The following ZNF511 variants were observed in gnomAD, a reference collection of about 807,000 sequenced individuals.
ZNF511 encodes zinc finger protein 511.
Under a neutral mutation model 24.8 loss-of-function variants are expected in ZNF511, and 26 were observed. That is an observed-to-expected ratio of 1.05 (90% CI 0.77 to 1.46). The LOEUF (loss-of-function observed/expected upper bound fraction) is 1.46. ZNF511 is among the 40% of genes most tolerant of loss of function. ZNF511 has a pLI of 0.00. For missense variants in ZNF511, 358 were observed against 345.0 expected (o/e 1.04, Z -0.30); for synonymous variants, 144 against 139.6 (o/e 1.03, Z -0.22).
rs1334119219 is a variant in ZNF511, at chr10:133,313,004, GGCATTA to G, written c.*142_*147del. ...TCCCCATCCTTGTTCCTCAGCAAAT[GGCATTA>G]GCAGCTGTCATCAGAAGCTGTGAGG... On this transcript the variant is annotated 3_prime_UTR_variant, in exon 6 of 6. Coordinates refer to ENST00000361518, the MANE Select transcript of ZNF511 (RefSeq NM_145806.4). 1.3e-6 allele frequency: 2 copies of G among 1,500,352 alleles called. No individual in the cohort carries two copies. The highest frequency in any genetic ancestry group is 2.8e-5 in the African/African-American group (2 of 72,016). The allele number at this position is 1,500,352 out of a possible 1,614,324, so 92.9% of individuals were successfully genotyped here. A position where few individuals can be genotyped will look rare whatever the true frequency, so the allele number is the denominator to read the frequency against.
chr10:133,311,622 G>T, intron 4 of ZNF511, 94 bp from the exon 5 acceptor site: 1 of 1,101,220 alleles, frequency 9.1e-7, no homozygotes. Context: ...CTACTTACAG[G>T]GAAATCCAGT....
Position 133,309,013 on chromosome 10 carries a change from G to C in ZNF511, c.70G>C (p.Glu24Gln), listed in dbSNP as rs1847913159. The change falls in exon 1 of 6, where the codon GAG becomes CAG. Residue 24 changes from glutamate (E) to glutamine (Q), a missense_variant. Glu to Gln is a conservative substitution (Grantham distance 29). Coordinates refer to ENST00000361518, the MANE Select transcript of ZNF511 (RefSeq NM_145806.4). ...CGGGGCGGCGGAGCCGCTGCCTGTAGAGCGGGATCCCGCGGCTGGGGCCGC... is the reference window on the plus strand; with the variant it reads ...CGGGGCGGCGGAGCCGCTGCCTGTACAGCGGGATCCCGCGGCTGGGGCCGC... ...GPGAAEPLPV[E>Q]RDPAAGAAPF... 1.6e-6 allele frequency: 2 copies of C among 1,259,794 alleles called. No individual in the cohort carries two copies. Among genetic ancestry groups the C allele is most frequent in the Non-Finnish European group, 2.0e-6 (2 of 995,846 alleles). The allele number at this position is 1,259,794 out of a possible 1,614,324, so 78.0% of individuals were successfully genotyped here.
At chr10:133,311,593 A>G (rs1847988950) in intron 4 of ZNF511, 123 bp from the exon 5 acceptor site, 2 of 859,136 alleles carry the variant, frequency 2.3e-6, no homozygotes, top group Admixed American at 5.1e-5. Flanking sequence ...AGACTATGCC[A>G]AAATAGTAAG....
chr10:133,311,691 G>C lies in ZNF511; in HGVS notation c.555-25G>C, dbSNP rs773415693. ...GGGGCTGTGGGAGCCGTGCAGGGCA[G>C]TTACTCACTGCTCTCTCCCCGCAGC... On this transcript the variant is annotated intron_variant, in intron 4 of 5. Coordinates refer to ENST00000361518, the MANE Select transcript of ZNF511 (RefSeq NM_145806.4). The C allele has an allele frequency of 2.4e-5, 38 of 1,602,032 alleles. No homozygotes were observed. In the South Asian group the frequency reaches 4.1e-4, roughly 17 times the overall value.
At chr10:133,312,538 G>T (rs998000024) in intron 5 of ZNF511, 2 of 1,381,854 alleles carry the variant, frequency 1.4e-6, no homozygotes, top group Non-Finnish European at 1.9e-6. Flanking sequence ...GCCCCAGAGG[G>T]CTTGGCAGGA....
At chr10:133,312,346 T>C in intron 5 of ZNF511, 3 of 1,159,556 alleles carry the variant, frequency 2.6e-6, no homozygotes, top group Non-Finnish European at 3.2e-6. Context: ...TAAATTAATT[T>C]GGGAAAAACG....
intron 2 of ZNF511, 102 bp downstream of exon 2, chr10:133,309,565 C>A: frequency 7.1e-7 from 1 of 1,403,164 alleles, no homozygotes; most frequent in Non-Finnish European, 9.8e-7. Flanking sequence ...TGTGCGGCCG[C>A]CCCACCGAGG....
At position 133,309,906 on chromosome 10, in the gene ZNF511, C is replaced by T; in HGVS notation, c.358C>T (p.His120Tyr). Residue 120 changes from histidine (H) to tyrosine (Y), a missense_variant, in exon 3 of 6, where the codon CAC (histidine) becomes TAC (tyrosine). By Grantham distance (83) the His-to-Tyr change is moderately conservative. Coordinates refer to ENST00000361518, the MANE Select transcript of ZNF511 (RefSeq NM_145806.4). ...TTGCAAGCGGGCCTTCCCTTCCGGACACCTGCTGGACGCCCACATCCTGGA... is the reference window on the plus strand; with the variant it reads ...TTGCAAGCGGGCCTTCCCTTCCGGATACCTGCTGGACGCCCACATCCTGGA... ...SFCKRAFPSG[H>Y]LLDAHILEWH... 6.2e-7 allele frequency: 1 copy of T among 1,613,670 alleles called. No individual in the cohort carries two copies. Among genetic ancestry groups the T allele is most frequent in the Non-Finnish European group, 8.5e-7 (1 of 1,180,016 alleles).
rs1847934993 is a variant in ZNF511, at chr10:133,309,462, A to C, written c.226A>C (p.Arg76=). The C allele has an allele frequency of 6.2e-7, 1 of 1,612,072 alleles. No individual in the cohort carries two copies. The highest frequency in any genetic ancestry group is 8.5e-7 in the Non-Finnish European group (1 of 1,179,572). ...GGTGGCCGACGTGCCTGAGAAGCCCAGGTAAGCGAATGGGCAGTGCCTAGC... is the reference window on the plus strand; with the variant it reads ...GGTGGCCGACGTGCCTGAGAAGCCCCGGTAAGCGAATGGGCAGTGCCTAGC... ...MQVADVPEKP[R]VPAFACQVAG... The change falls in exon 2 of 6, where the codon AGG becomes CGG. Residue 76 remains arginine (R), a splice_region_variant and synonymous_variant. Transcript: ENST00000361518.
In ZNF511 at chr10:133,310,195, A is replaced by T. The variant is rs905944140; in HGVS notation, c.461A>T (p.Lys154Met). Residue 154 changes from lysine (K) to methionine (M), a missense_variant, in exon 4 of 6, where the codon AAG (lysine) becomes ATG (methionine). By Grantham distance (95) the Lys-to-Met change is moderately conservative. Transcript: ENST00000361518. ...TGCTTGGTAGAAGGCTGCACAGAGA[A>T]GTTCAAGACCAGCAGAGACCGGAAG... The part of the protein sequence containing the change: ...YQCLVEGCTE[K>M]FKTSRDRKDH... The T allele has an allele frequency of 6.2e-7, 1 of 1,613,922 alleles. No individual in the cohort carries two copies. Among genetic ancestry groups the T allele is most frequent in the African/African-American group, 1.3e-5 (1 of 74,952 alleles).
Position 133,311,851 on chromosome 10 carries a change from T to A in ZNF511, c.680+10T>A, listed in dbSNP as rs151256328. On this transcript the variant is annotated intron_variant, in intron 5 of 5. Coordinates refer to ENST00000361518, the MANE Select transcript of ZNF511 (RefSeq NM_145806.4). ...GGATCTACAGACATAGGTCAGTGTCTGAGCTCTTTCTGAAACCCGTTCTCA... is the reference window on the plus strand; with the variant it reads ...GGATCTACAGACATAGGTCAGTGTCAGAGCTCTTTCTGAAACCCGTTCTCA... The A allele has an allele frequency of 6.2e-7, 1 of 1,613,350 alleles. No individual in the cohort carries two copies. Among genetic ancestry groups the A allele is most frequent in the East Asian group, 2.2e-5 (1 of 44,892 alleles).
rs1045468 is a variant in ZNF511 at position 133,312,941 on chromosome 10, C to T, written c.*75C>T. ...CCGCCTTGGGCCTTTCTCCGACCTT[C>T]TGGTGTGGCCGCCCTGGGGGCCAGG... On this transcript the variant is annotated 3_prime_UTR_variant, in exon 6 of 6. Transcript: ENST00000361518. The T allele has an allele frequency of 1.9e-6, 3 of 1,604,236 alleles. No individual in the cohort carries two copies. Among genetic ancestry groups the T allele is most frequent in the Non-Finnish European group, 2.6e-6 (3 of 1,174,950 alleles).
At chr10:133,311,865 A>C (rs763518413) in intron 5 of ZNF511, 24 bp downstream of exon 5, 9 of 1,613,312 alleles carry the variant, frequency 5.6e-6, no homozygotes, top group Non-Finnish European at 7.6e-6. Flanking sequence ...CTCTTTCTGA[A>C]ACCCGTTCTC....
intron 4 of ZNF511, 37 bp downstream of exon 4, chr10:133,310,325 G>T: frequency 1.2e-6 from 2 of 1,611,386 alleles, no homozygotes; most frequent in South Asian, 2.2e-5. Context: ...GTCTGCTTTT[G>T]ATTTTAGGAA....
chr10:133,310,352 C>T (rs985070029), intron 4 of ZNF511, 64 bp downstream of exon 4: 19 of 1,600,078 alleles, frequency 1.2e-5, no homozygotes, highest in South Asian at 4.4e-5. Flanking sequence ...TCCAACTAGC[C>T]GGAATGCATA....
intron 5 of ZNF511, chr10:133,312,370 G>C: frequency 8.6e-7 from 1 of 1,162,890 alleles, no homozygotes; most frequent in Non-Finnish European, 1.1e-6. Context: ...AACAAGTGGG[G>C]AAAAACATCA....
rs75714358 is a variant in ZNF511, at chr10:133,312,973, C to A, written c.*107C>A. 1.9e-6 allele frequency: 3 copies of A among 1,560,872 alleles called. No individual in the cohort carries two copies. The highest frequency in any genetic ancestry group is 2.6e-6 in the Non-Finnish European group (3 of 1,156,422). ...GGCCGCCCTGGGGGCCAGGCCCTCG[C>A]CATCCTCCCCATCCTTGTTCCTCAG... On this transcript the variant is annotated 3_prime_UTR_variant, in exon 6 of 6. Transcript: ENST00000361518.
At position 133,310,311 on chromosome 10, in the gene ZNF511, A is replaced by C. The variant is rs1367969058; in HGVS notation, c.554+23A>C. On this transcript the variant is annotated intron_variant, in intron 4 of 5. Coordinates refer to ENST00000361518, the MANE Select transcript of ZNF511 (RefSeq NM_145806.4). ...AAGGTAGGGAGCCGCCAGGCTCAGC[A>C]CGTGTCTGCTTTTGATTTTAGGAAA... 1.9e-6 allele frequency: 3 copies of C among 1,612,876 alleles called. No homozygotes were observed. In the East Asian group the frequency reaches 6.7e-5, roughly 36 times the overall value.
chr10:133,312,542 G>A lies in ZNF511; in HGVS notation c.681-246G>A, dbSNP rs530800449. 3.7e-5 allele frequency: 51 copies of A among 1,383,252 alleles called. No homozygotes were observed. The African/African-American group carries it at 7.3e-4, about 20-fold the overall frequency. The allele number at this position is 1,383,252 out of a possible 1,614,324, so 85.7% of individuals were successfully genotyped here. ...AGGAAGTCTCAGCCCCAGAGGGCTT[G>A]GCAGGAGCCGCCCTCTCTGCGGAGT... is the stretch of plus-strand genomic sequence containing the variant. On this transcript the variant is annotated intron_variant, in intron 5 of 5. Coordinates refer to ENST00000361518, the MANE Select transcript of ZNF511 (RefSeq NM_145806.4).
Sources: allele counts gnomAD v4.1 joint callset, GRCh38; gene constraint gnomAD v4.1.1; transcripts MANE v1.5; gene names NCBI Gene and HGNC (gene_info 2026-07-23, HGNC 2026-07-21).